Variants in FAM133B observed in about 807,000 individuals in gnomAD.
The protein encoded by FAM133B is protein FAM133B.
A neutral mutation model predicts 46.4 loss-of-function variants in FAM133B; 25 were observed. The observed-to-expected ratio is 0.54, with a 90% CI of 0.39 to 0.75. FAM133B has a LOEUF of 0.75. Ranked by LOEUF, FAM133B falls within the 30% of genes least tolerant of loss-of-function variation. The pLI is 0.00. For missense variants in FAM133B, 205 were observed against 277.6 expected, an observed-to-expected ratio of 0.74 and a Z score of 1.86; for synonymous variants, 75 against 86.0, an observed-to-expected ratio of 0.87 and a Z score of 0.71.
chr7:92,565,583 C>G (rs1794321519), intron 10 of FAM133B: 1 of 161,384 alleles, frequency 6.2e-6, no homozygotes. Context: ...CCTGCCTCAG[C>G]CTCCCGAGTA....
chr7:92,571,666 T>C (rs1272273904), intron 8 of FAM133B, among the ~76,000 whole-genome samples: 8 of 152,200 alleles, frequency 5.3e-5, no homozygotes, highest in Non-Finnish European at 1.0e-4. Context: ...AGTCATTTTG[T>C]TCCAAGAAAT....
intron 2 of FAM133B, 55 bp from the exon 3 acceptor site, chr7:92,579,450 C>T: frequency 1.5e-6 from 2 of 1,292,180 alleles, no homozygotes; most frequent in Non-Finnish European, 2.2e-6. Flanking sequence ...TAGATAAATG[C>T]TTACAAATAA....
intron 9 of FAM133B, among the ~76,000 whole-genome samples, chr7:92,569,362 AATATG>A (rs968000421): frequency 1.3e-5 from 2 of 152,180 alleles, no homozygotes; most frequent in East Asian, 1.9e-4. Flanking sequence ...ACAACGAAGT[AATATG>A]ATATGTTTCC....
chr7:92,582,176 G>A (rs1240477271), intron 1 of FAM133B, among the ~76,000 whole-genome samples: 2 of 152,264 alleles, frequency 1.3e-5, no homozygotes, highest in South Asian at 2.1e-4. Context: ...TTGAACCCGG[G>A]AGGTAGAGGT....
rs1402299999 is a variant in FAM133B at position 92,566,000 on chromosome 7, TAA to T, written c.657+12_657+13del. 5 of 1,613,552 alleles carry T rather than the reference TAA, an allele frequency of 3.1e-6. No homozygotes were observed. The African/African-American group carries it at 4.0e-5, about 13-fold the overall frequency. On this transcript the variant is annotated intron_variant, in intron 10 of 10. Transcript: ENST00000445716. Reference sequence around the variant, plus strand: ...CCTATTCTATTGTCTGTAAAAACGTTAAGAGATACTTGCTGTTGCTTTTTCTC... The same window carrying T: ...CCTATTCTATTGTCTGTAAAAACGTTGAGATACTTGCTGTTGCTTTTTCTC...
chr7:92,564,143 C>T (rs1253754983), intron 10 of FAM133B, among the ~76,000 whole-genome samples: 1 of 152,186 alleles, frequency 6.6e-6, no homozygotes, highest in Non-Finnish European at 1.5e-5. Context: ...CTTACCTTCT[C>T]TTAGTCCCTC....
chr7:92,583,915 G>T (rs1463009256), intron 1 of FAM133B, among the ~76,000 whole-genome samples: 1 of 151,650 alleles, frequency 6.6e-6, no homozygotes, highest in Non-Finnish European at 1.5e-5. Context: ...TGAGTGTGGT[G>T]GCGGGTGCCT....
At chr7:92,585,315 G>A in intron 1 of FAM133B, 1 of 930,034 alleles carries the variant, frequency 1.1e-6, no homozygotes, top group Non-Finnish European at 1.3e-6. Flanking sequence ...AAATTTAACT[G>A]GTCTCAGGTT....
Position 92,562,205 on chromosome 7 carries a change from T to C in FAM133B, c.*77A>G. On this transcript the variant is annotated 3_prime_UTR_variant, in exon 11 of 11. Transcript: ENST00000445716. ...AAGAAAATTCATGCATTTTAGTAAATATGTTGTAGTTTTCACAGTTGAAAT... is the reference window on the plus strand; with the variant it reads ...AAGAAAATTCATGCATTTTAGTAAACATGTTGTAGTTTTCACAGTTGAAAT... The C allele has an allele frequency of 7.0e-7, 1 of 1,431,950 alleles. No individual in the cohort carries two copies. Among genetic ancestry groups the C allele is most frequent in the South Asian group, 1.4e-5 (1 of 73,872 alleles). 88.7% of individuals were successfully genotyped at this position (1,431,950 alleles called of 1,614,324 possible).
intron 10 of FAM133B, 54 bp downstream of exon 10, chr7:92,565,960 T>TA: frequency 6.3e-7 from 1 of 1,577,380 alleles, no homozygotes; most frequent in Non-Finnish European, 8.7e-7. Context: ...ACTCATTTTA[T>TA]ATTAAACCAA....
At chr7:92,587,335 T>C (rs551145506) in intron 1 of FAM133B, among the ~76,000 whole-genome samples, 1 of 152,310 alleles carries the variant, frequency 6.6e-6, no homozygotes, top group African/African-American at 2.4e-5. Flanking sequence ...TCAAGTGTTA[T>C]GGCAAAACTA....
At chr7:92,568,683 T>G (rs1794441287) in intron 9 of FAM133B, among the ~76,000 whole-genome samples, 1 of 152,064 alleles carries the variant, frequency 6.6e-6, no homozygotes, top group Admixed American at 6.6e-5. Context: ...TTAATCACAT[T>G]CAGGCATTTA....
At chr7:92,577,484 C>G (rs1026732869) in intron 6 of FAM133B, 171 bp downstream of exon 6, 1 of 480,548 alleles carries the variant, frequency 2.1e-6, no homozygotes, top group Non-Finnish European at 3.6e-6. Context: ...ATATTATATA[C>G]CAATATTTAA....
At chr7:92,580,259 AC>A (rs1293383427) in intron 2 of FAM133B, among the ~76,000 whole-genome samples, 4 of 148,664 alleles carry the variant, frequency 2.7e-5, no homozygotes, top group African/African-American at 1.0e-4. Flanking sequence ...AAAAAAAAAA[AC>A]ACATAAATAT....
intron 1 of FAM133B, 81 bp downstream of exon 1, chr7:92,590,187 C>T: frequency 1.9e-6 from 3 of 1,609,474 alleles, no homozygotes; most frequent in Non-Finnish European, 2.5e-6. Context: ...GCCCTCCGGC[C>T]CGGCCGGGAA....
intron 1 of FAM133B, among the ~76,000 whole-genome samples, chr7:92,582,658 G>A (rs1741972143): frequency 6.6e-6 from 1 of 152,000 alleles, no homozygotes; most frequent in African/African-American, 2.4e-5. Context: ...AAAACTCCAA[G>A]TAATTAAAAA....
chr7:92,570,869 C>A (rs545552427), intron 8 of FAM133B, among the ~76,000 whole-genome samples: 1 of 152,252 alleles, frequency 6.6e-6, no homozygotes, highest in South Asian at 2.1e-4. Context: ...TCAAATCCCA[C>A]TATCAGAAAT....
At chr7:92,570,509 C>T (rs1794496357) in intron 8 of FAM133B, among the ~76,000 whole-genome samples, 1 of 151,776 alleles carries the variant, frequency 6.6e-6, no homozygotes, top group Non-Finnish European at 1.5e-5. Flanking sequence ...ATGACAACAC[C>T]CAAAGCAAGT....
intron 7 of FAM133B, 73 bp downstream of exon 7, chr7:92,577,030 G>T: frequency 1.2e-6 from 1 of 868,218 alleles, no homozygotes; most frequent in Non-Finnish European, 1.6e-6. Context: ...TTTTTAAATT[G>T]AGAGCAACTT....
Sources: allele counts gnomAD v4.1 joint callset (sites outside exome capture counted in the v4.1 genomes callset), GRCh38; gene constraint gnomAD v4.1.1; transcripts MANE v1.5; gene names NCBI Gene and HGNC (gene_info 2026-07-23, HGNC 2026-07-21).